Variants in DDC observed in about 807,000 individuals in gnomAD.
DDC encodes aromatic-L-amino-acid decarboxylase.
DDC carries 43 observed loss-of-function variants against 60.0 expected under a neutral mutation model. The ratio of observed to expected loss-of-function variants is 0.72; its 90% CI spans 0.56 to 0.92. The LOEUF is 0.92. Ranked by LOEUF, DDC falls within the 40% of genes least tolerant of loss-of-function variation. The pLI, the probability that DDC is intolerant of heterozygous loss-of-function variation, is 0.00. For synonymous variants in DDC, 232 were observed against 234.6 expected, an observed-to-expected ratio of 0.99 and a Z score of 0.10; for missense variants, 573 against 620.2, an observed-to-expected ratio of 0.92 and a Z score of 0.81.
intron 6 of DDC, among the ~76,000 whole-genome samples, chr7:50,509,438 C>A (rs1247082205): frequency 1.3e-5 from 2 of 152,218 alleles, no homozygotes; most frequent in African/African-American, 2.4e-5. Flanking sequence ...CCTTCACATG[C>A]ACAGATAAAT....
intron 1 of DDC, among the ~76,000 whole-genome samples, chr7:50,550,625 G>A (rs993208966): frequency 5.9e-5 from 9 of 152,240 alleles, no homozygotes; most frequent in African/African-American, 1.9e-4. Flanking sequence ...CAATTTGAAA[G>A]AAGTACATTA....
intron 9 of DDC, chr7:50,493,129 G>T: frequency 1.3e-6 from 1 of 787,588 alleles, no homozygotes; most frequent in Non-Finnish European, 2.1e-6. Flanking sequence ...TGTAAAGAGA[G>T]CGTGGCAATG....
intron 12 of DDC, among the ~76,000 whole-genome samples, chr7:50,467,517 G>C (rs1562980933): frequency 6.6e-6 from 1 of 152,178 alleles, no homozygotes; most frequent in Admixed American, 6.5e-5. Flanking sequence ...CAGGTCTAGT[G>C]TCCTCAGAAC....
At chr7:50,496,690 G>C (rs2043134263) in intron 8 of DDC, among the ~76,000 whole-genome samples, 1 of 152,164 alleles carries the variant, frequency 6.6e-6, no homozygotes, top group African/African-American at 2.4e-5. Flanking sequence ...TGGCCATGCG[G>C]CTGGATTCAT....
intron 1 of DDC, among the ~76,000 whole-genome samples, chr7:50,544,741 G>C (rs542654226): frequency 6.6e-6 from 1 of 152,274 alleles, no homozygotes; most frequent in African/African-American, 2.4e-5. Context: ...ATTGCTGGTA[G>C]CTGTGTTCTA....
rs771859824 is a variant in DDC, at chr7:50,463,227, A to ACTC, written c.*1_*3dup. On this transcript the variant is annotated 3_prime_UTR_variant, in exon 14 of 15. Transcript: ENST00000444124. ...GGGCAGCCTACCTGCAGCTGGCTTCACTCCTACTCCCTCTCTGCTCGCAGC... is the reference window on the plus strand; with the variant it reads ...GGGCAGCCTACCTGCAGCTGGCTTCACTCCTCCTACTCCCTCTCTGCTCGCAGC... 1 of 1,608,260 alleles carries ACTC rather than the reference A, an allele frequency of 6.2e-7. No individual in the cohort carries two copies. The highest frequency in any genetic ancestry group is 8.5e-7 in the Non-Finnish European group (1 of 1,177,554).
At chr7:50,540,706 T>C (rs1368745456) in intron 2 of DDC, among the ~76,000 whole-genome samples, 1 of 152,140 alleles carries the variant, frequency 6.6e-6, no homozygotes, top group Non-Finnish European at 1.5e-5. Flanking sequence ...GCATCCCACC[T>C]TTCTCCAGCC....
At position 50,478,565 on chromosome 7, in the gene DDC, G is replaced by A. The variant is rs185899587; in HGVS notation, c.1021+1222C>T. The stretch of plus-strand genomic sequence containing the variant: ...GTCTAATTAGTGCAAGTTCCTATCT[G>A]CTTCTCCGTGAATCTGCTTCCTTAT... On this transcript the variant is annotated intron_variant, in intron 10 of 14. Transcript: ENST00000444124. Among the ~76,000 whole-genome samples the A allele has an allele frequency of 2.6e-5, 4 of 152,308 alleles. No individual in the cohort carries two copies. In the East Asian group the frequency reaches 7.7e-4, roughly 29 times the overall value.
Position 50,470,072 on chromosome 7 carries a change from C to G in DDC, c.1140+1G>C. The G allele has an allele frequency of 6.3e-7, 1 of 1,588,710 alleles. No homozygotes were observed. Among genetic ancestry groups the G allele is most frequent in the East Asian group, 2.2e-5 (1 of 44,758 alleles). On this transcript the variant is annotated splice_donor_variant, in intron 12 of 14. Transcript: ENST00000444124. LOFTEE classifies it high-confidence loss of function. ...GTGATAAATAATAAAAACAAAGTCA[C>G]CTTGCGGATATAAGCCTGCAGTCCT...
At chr7:50,543,226 GC>G (rs1221427541) in intron 2 of DDC, 1 of 157,432 alleles carries the variant, frequency 6.4e-6, no homozygotes, top group Non-Finnish European at 1.4e-5. Context: ...TAACCAACAG[GC>G]TTTTAGGTGA....
intron 7 of DDC, among the ~76,000 whole-genome samples, chr7:50,502,618 G>T (rs554915281): frequency 1.4e-4 from 22 of 152,174 alleles, no homozygotes; most frequent in Non-Finnish European, 2.6e-4. Flanking sequence ...GGCTGTGCAC[G>T]ACCACTTCCC....
intron 6 of DDC, among the ~76,000 whole-genome samples, chr7:50,514,312 C>A (rs2043668276): frequency 6.6e-6 from 1 of 152,136 alleles, no homozygotes; most frequent in South Asian, 2.1e-4. Context: ...CCCTGTGGGA[C>A]AAAAGAATCT....
In DDC at chr7:50,534,532, G is replaced by T. The variant is rs200424738; in HGVS notation, c.435+3328C>A. Among the ~76,000 whole-genome samples, 23 of 152,188 alleles carry T rather than the reference G, an allele frequency of 1.5e-4. No homozygotes were observed. The East Asian group carries it at 4.1e-3, about 27-fold the overall frequency. On this transcript the variant is annotated intron_variant, in intron 4 of 14. Coordinates refer to ENST00000444124, the MANE Select transcript of DDC (RefSeq NM_001082971.2). Reference sequence around the variant, plus strand: ...AGAATGGCTTGAACCGGGAGGCAGTGGTTGCAGTGAGCTGAGATCGTGCCA... The same window carrying T: ...AGAATGGCTTGAACCGGGAGGCAGTTGTTGCAGTGAGCTGAGATCGTGCCA...
chr7:50,472,516 C>T (rs1419806549), intron 11 of DDC, among the ~76,000 whole-genome samples: 1 of 152,116 alleles, frequency 6.6e-6, no homozygotes, highest in East Asian at 1.9e-4. Flanking sequence ...TTTCCTCATC[C>T]AAATAGCATG....
At chr7:50,559,354 C>T (rs550600224) in intron 1 of DDC, among the ~76,000 whole-genome samples, 2 of 152,298 alleles carry the variant, frequency 1.3e-5, no homozygotes, top group South Asian at 4.1e-4. Context: ...CCACGAGGTG[C>T]CTCTGGGCTC....
chr7:50,466,754 T>G lies in DDC; in HGVS notation c.1242+460A>C, dbSNP rs373141359. Among the ~76,000 whole-genome samples the G allele has an allele frequency of 9.8e-5, 15 of 152,316 alleles. No homozygotes were observed. In the East Asian group the frequency reaches 2.3e-3, roughly 23 times the overall value. On this transcript the variant is annotated intron_variant, in intron 13 of 14. Transcript: ENST00000444124. ...ACACAGTGTCAAACAGACTCCTGTGTGGGCATCTTGTAAAGGTGCGCAGCC... is the reference window on the plus strand; with the variant it reads ...ACACAGTGTCAAACAGACTCCTGTGGGGGCATCTTGTAAAGGTGCGCAGCC...
At chr7:50,510,668 C>CAAAAAAAA in intron 6 of DDC, among the ~76,000 whole-genome samples, 1 of 99,676 alleles carries the variant, frequency 1.0e-5, no homozygotes, top group Non-Finnish European at 2.0e-5. Context: ...GACTCCATCT[C>CAAAAAAAA]AAAAAAAAAA....
chr7:50,565,255 A>G (rs1305930542), intron 1 of DDC, 30 bp downstream of exon 1: 1 of 152,184 alleles, frequency 6.6e-6, no homozygotes, highest in Non-Finnish European at 1.5e-5. Context: ...CACTACTACA[A>G]TCTGAGTAGG....
intron 11 of DDC, among the ~76,000 whole-genome samples, chr7:50,470,612 T>C (rs530227883): frequency 7.2e-5 from 11 of 152,346 alleles, no homozygotes; most frequent in South Asian, 2.1e-4. Flanking sequence ...TGCTCTTGTC[T>C]GCCACTTCTG....
Sources: gnomAD v4.1 joint callset for allele counts (sites outside exome capture counted in the v4.1 genomes callset) on GRCh38, gnomAD v4.1.1 for gene constraint, MANE v1.5 for transcripts, NCBI Gene and HGNC (gene_info 2026-07-23, HGNC 2026-07-21) for gene names.